The following PKHD1 variants were observed in gnomAD, a reference collection of about 807,000 sequenced individuals.
PKHD1 encodes the protein fibrocystin.
PKHD1 carries 291 observed loss-of-function variants against 412.0 expected under a neutral mutation model. That is an observed-to-expected ratio of 0.71 (90% CI 0.64 to 0.78). The LOEUF (loss-of-function observed/expected upper bound fraction) is 0.78, where lower values mean the gene tolerates loss of function less well. PKHD1 is among the 30% of genes least tolerant of loss of function. PKHD1 has a pLI of 0.00. For synonymous variants in PKHD1, 1,777 were observed against 1,821.5 expected (o/e 0.98, Z 0.62); for missense variants, 4,825 against 4,950.7 (o/e 0.97, Z 0.76).
intron 61 of PKHD1, among the ~76,000 whole-genome samples, chr6:51,657,783 T>C (rs561189258): frequency 6.6e-6 from 1 of 152,270 alleles, no homozygotes; most frequent in African/African-American, 2.4e-5. Flanking sequence ...CTATTGCTTC[T>C]ACTCATTGAC....
At chr6:51,723,663 G>A (rs139286496) in intron 60 of PKHD1, among the ~76,000 whole-genome samples, 1,532 of 152,280 alleles carry the variant, frequency 0.01, 24 homozygotes, top group African/African-American at 0.035. Context: ...GACTAGTTAT[G>A]TGTGGGTTAC....
chr6:51,697,161 C>G (rs1161493737), intron 60 of PKHD1, among the ~76,000 whole-genome samples: 1 of 148,130 alleles, frequency 6.8e-6, no homozygotes, highest in Admixed American at 6.9e-5. Flanking sequence ...GCCTGGGCAA[C>G]AGAGTGAGAC....
At chr6:51,841,718 A>G (rs1770241685) in intron 50 of PKHD1, among the ~76,000 whole-genome samples, 1 of 152,230 alleles carries the variant, frequency 6.6e-6, no homozygotes, top group African/African-American at 2.4e-5. Flanking sequence ...TCTGCCTACA[A>G]AATCTTCCCC....
chr6:52,054,163 C>A lies in PKHD1; in HGVS notation c.1839G>T (p.Leu613=), dbSNP rs773272365. ...TCATGTGGCCTTTGTATGCAAGACA[C>A]AGCTATGGACACCAAATAAGTCCTT... ...KGYRLDQYTH[L]CLAYKGHMNK... Residue 613 remains leucine (L), a splice_region_variant and synonymous_variant, in exon 20 of 67, where the codon CTG becomes CTT. Coordinates refer to ENST00000371117, the MANE Select transcript of PKHD1 (RefSeq NM_138694.4). The A allele has an allele frequency of 1.2e-6, 2 of 1,613,882 alleles. No homozygotes were observed. Among genetic ancestry groups the A allele is most frequent in the South Asian group, 2.2e-5 (2 of 91,082 alleles).
chr6:51,948,335 C>A (rs1789790515), intron 36 of PKHD1, among the ~76,000 whole-genome samples: 1 of 152,074 alleles, frequency 6.6e-6, no homozygotes, highest in Non-Finnish European at 1.5e-5. Context: ...AGCGTTGGTT[C>A]TCTCTGGCCC....
At chr6:51,626,857 A>C in intron 66 of PKHD1, 140 bp downstream of exon 66, 1 of 837,784 alleles carries the variant, frequency 1.2e-6, no homozygotes, top group South Asian at 1.4e-5. Context: ...CTGGGGTATA[A>C]TTTCTTTGAA....
At chr6:51,982,611 G>A (rs1795593825) in intron 35 of PKHD1, among the ~76,000 whole-genome samples, 1 of 147,972 alleles carries the variant, frequency 6.8e-6, no homozygotes, top group African/African-American at 2.5e-5. Context: ...CTTGAAGGCA[G>A]CATGCTCGTC....
chr6:51,666,368 T>C (rs1773774545), intron 60 of PKHD1, among the ~76,000 whole-genome samples: 1 of 152,168 alleles, frequency 6.6e-6, no homozygotes, highest in African/African-American at 2.4e-5. Flanking sequence ...AACTGTTGTA[T>C]TGCTTCTTCA....
intron 50 of PKHD1, among the ~76,000 whole-genome samples, chr6:51,845,192 G>C (rs1223119907): frequency 6.6e-6 from 1 of 152,210 alleles, no homozygotes; most frequent in African/African-American, 2.4e-5. Flanking sequence ...GGAAAACGTG[G>C]AAGCCTAATC....
At position 51,971,307 on chromosome 6, in the gene PKHD1, G is replaced by A. The variant is rs376143645; in HGVS notation, c.5752-11281C>T. Among the ~76,000 whole-genome samples the A allele has an allele frequency of 1.4e-4, 21 of 152,262 alleles. 1 individual carries two copies. Among genetic ancestry groups the A allele is most frequent in the African/African-American group, 4.8e-4 (20 of 41,552 alleles). ...CTATAAGGACCTTCTTGAGAGAACA[G>A]TTTTCACAGAGACCATGTTTAGATT... On this transcript the variant is annotated intron_variant, in intron 35 of 66. Transcript: ENST00000371117.
intron 64 of PKHD1, among the ~76,000 whole-genome samples, chr6:51,636,956 A>G (rs771585569): frequency 4.6e-5 from 7 of 152,218 alleles, no homozygotes; most frequent in Non-Finnish European, 8.8e-5. Flanking sequence ...GAAAAACACT[A>G]AGGGAAAACT....
At chr6:51,741,204 C>G (rs756602935) in intron 60 of PKHD1, 1 of 518,826 alleles carries the variant, frequency 1.9e-6, no homozygotes, top group South Asian at 1.4e-5. Flanking sequence ...CTAAAATGAA[C>G]ACTCTTATGA....
rs140033417 is a variant in PKHD1 at position 51,855,931 on chromosome 6, A to G, written c.7873T>C (p.Leu2625=). ...TTGATCCAAAGGTTCTCAGATTGCA[A>G]TGAGTAGGTCTCTTGGTCCAAGAGC... ...ALLLDQETYS[L]QSENLWINRS... Residue 2625 remains leucine (L), a synonymous_variant, in exon 49 of 67, where the codon TTG becomes CTG. Transcript: ENST00000371117. 2,534 of 1,614,068 alleles carry G rather than the reference A, an allele frequency of 1.6e-3. 48 individuals carry two copies. The South Asian group carries it at 0.026, about 17-fold the overall frequency.
At chr6:51,776,942 C>T (rs894881574) in intron 53 of PKHD1, among the ~76,000 whole-genome samples, 3 of 151,832 alleles carry the variant, frequency 2.0e-5, no homozygotes, top group Non-Finnish European at 4.4e-5. Context: ...TGAGTATGGA[C>T]CTGAGGAAGG....
intron 37 of PKHD1, among the ~76,000 whole-genome samples, chr6:51,926,745 A>G (rs1785694234): frequency 6.6e-6 from 1 of 152,256 alleles, no homozygotes; most frequent in South Asian, 2.1e-4. Flanking sequence ...ATGAGATTTT[A>G]GCAGACACAT....
At chr6:51,795,425 G>A (rs1365152417) in intron 52 of PKHD1, among the ~76,000 whole-genome samples, 1 of 152,128 alleles carries the variant, frequency 6.6e-6, no homozygotes, top group Non-Finnish European at 1.5e-5. Flanking sequence ...AGAAGCTTTT[G>A]GGCTGAAACA....
chr6:52,036,320 T>C (rs765781665), intron 27 of PKHD1, among the ~76,000 whole-genome samples: 1 of 152,256 alleles, frequency 6.6e-6, no homozygotes, highest in Non-Finnish European at 1.5e-5. Flanking sequence ...CCCATCGCCA[T>C]CAGAATTTCT....
At chr6:51,868,243 G>T in intron 47 of PKHD1, 134 bp from the exon 48 acceptor site, 2 of 827,612 alleles carry the variant, frequency 2.4e-6, no homozygotes, top group Non-Finnish European at 3.9e-6. Context: ...AAGAAAAAAA[G>T]TGTTTTCTGT....
rs375188100 is a variant in PKHD1, at chr6:51,652,383, A to G, written c.11175-3163T>C. 4.3e-4 allele frequency among the ~76,000 whole-genome samples: 65 copies of G among 152,266 alleles called. No individual in the cohort carries two copies. In the South Asian group the frequency reaches 0.013, roughly 30 times the overall value. On this transcript the variant is annotated intron_variant, in intron 61 of 66. Transcript: ENST00000371117. ...AAAACTCAGAAAGCAAGTAAGTTTT[A>G]TTAGTGAAAACTGGCTCTCAACAAG... is the stretch of plus-strand genomic sequence containing the variant.
Sources: allele counts gnomAD v4.1 joint callset (sites outside exome capture counted in the v4.1 genomes callset), GRCh38; gene constraint gnomAD v4.1.1; transcripts MANE v1.5; gene names NCBI Gene and HGNC (gene_info 2026-07-23, HGNC 2026-07-21).